NRXN3: variants seen among roughly 807,000 people sequenced by gnomAD.
The protein encoded by NRXN3 is neurexin 3.
NRXN3 carries 32 observed loss-of-function variants against 137.6 expected under a neutral mutation model. The ratio of observed to expected loss-of-function variants is 0.23; its 90% CI spans 0.18 to 0.31. The LOEUF is 0.31. NRXN3 is among the 10% of genes least tolerant of loss of function. NRXN3 has a pLI of 1.00. For missense variants in NRXN3, 1,574 were observed against 2,062.5 expected (o/e 0.76, Z 4.59); for synonymous variants, 798 against 784.5 (o/e 1.02, Z -0.29).
chr14:78,655,779 T>C (rs746700780), intron 6 of NRXN3, among the ~76,000 whole-genome samples: 6 of 152,172 alleles, frequency 3.9e-5, no homozygotes, highest in African/African-American at 9.6e-5. Flanking sequence ...TTAAAAAGTA[T>C]CATAGGCTGA....
chr14:79,542,602 C>T (rs1235984629), intron 16 of NRXN3, among the ~76,000 whole-genome samples: 2 of 152,160 alleles, frequency 1.3e-5, no homozygotes, highest in African/African-American at 4.8e-5. Flanking sequence ...CCACAAGCAT[C>T]CTTGTGAAGA....
chr14:79,616,359 G>T (rs1394426993), intron 16 of NRXN3, among the ~76,000 whole-genome samples: 1 of 152,090 alleles, frequency 6.6e-6, no homozygotes, highest in Non-Finnish European at 1.5e-5. Flanking sequence ...AGAAGTGATG[G>T]GTGGGGAGTA....
intron 16 of NRXN3, among the ~76,000 whole-genome samples, chr14:79,588,558 T>C (rs1223188143): frequency 6.6e-6 from 1 of 152,222 alleles, no homozygotes; most frequent in Non-Finnish European, 1.5e-5. Context: ...TCTTCAATTG[T>C]TCTTGAGGCT....
chr14:79,134,820 T>C (rs2058050225), intron 15 of NRXN3, among the ~76,000 whole-genome samples: 1 of 152,224 alleles, frequency 6.6e-6, no homozygotes, highest in South Asian at 2.1e-4. Context: ...AAAATCTTGC[T>C]TTCTGTCTTT....
intron 10 of NRXN3, among the ~76,000 whole-genome samples, chr14:78,841,332 C>A (rs1410588748): frequency 4.1e-4 from 63 of 151,924 alleles, no homozygotes; most frequent in Non-Finnish European, 2.9e-5. Flanking sequence ...CACTTGTTTT[C>A]TATTTCCTTT....
chr14:78,313,227 T>G (rs938717639), intron 4 of NRXN3, among the ~76,000 whole-genome samples: 14 of 152,334 alleles, frequency 9.2e-5, no homozygotes, highest in Non-Finnish European at 1.8e-4. Flanking sequence ...GCATGCCTTA[T>G]GCCCTTTCTG....
At chr14:78,971,906 C>A (rs1391877370) in intron 14 of NRXN3, among the ~76,000 whole-genome samples, 1 of 151,986 alleles carries the variant, frequency 6.6e-6, no homozygotes, top group Non-Finnish European at 1.5e-5. Context: ...AAAGTGGTAG[C>A]AAAATTATTT....
rs139878411 is a variant in NRXN3, at chr14:78,891,389, C to T, written c.2276-65853C>T. ...CTGAACTCTGGCATGATGACTATAG[C>T]GTCTGTGTTTTTATGCATTACTGAT... On this transcript the variant is annotated intron_variant, in intron 10 of 20. Transcript: ENST00000335750. 1.7e-4 allele frequency among the ~76,000 whole-genome samples: 26 copies of T among 152,034 alleles called. No individual in the cohort carries two copies. The East Asian group carries it at 4.7e-3, about 27-fold the overall frequency.
chr14:79,822,773 T>G (rs1263372918), intron 20 of NRXN3, among the ~76,000 whole-genome samples: 1 of 134,690 alleles, frequency 7.4e-6, no homozygotes, highest in Non-Finnish European at 1.7e-5. Flanking sequence ...TTAATTTCAG[T>G]TAAAAAAATA....
intron 10 of NRXN3, among the ~76,000 whole-genome samples, chr14:78,864,431 T>A (rs2099081170): frequency 6.6e-6 from 1 of 152,210 alleles, no homozygotes; most frequent in Admixed American, 6.5e-5. Context: ...ATATCCAAAG[T>A]TTAGGGCAGA....
intron 4 of NRXN3, among the ~76,000 whole-genome samples, chr14:78,432,442 G>A (rs1259034595): frequency 6.6e-6 from 1 of 152,158 alleles, no homozygotes; most frequent in Admixed American, 6.5e-5. Context: ...AAGCTGTTCA[G>A]CATTGGCTAG....
chr14:79,623,085 G>A (rs2098242272), intron 16 of NRXN3, among the ~76,000 whole-genome samples: 1 of 152,066 alleles, frequency 6.6e-6, no homozygotes, highest in Admixed American at 6.5e-5. Context: ...TCTCTATTCT[G>A]TGGCCAGGGA....
At chr14:79,360,288 G>C (rs2093637795) in intron 15 of NRXN3, among the ~76,000 whole-genome samples, 1 of 152,120 alleles carries the variant, frequency 6.6e-6, no homozygotes, top group African/African-American at 2.4e-5. Flanking sequence ...AGGATATGAG[G>C]ATAAGGCAGA....
chr14:79,465,755 A>C (rs2096413345), intron 15 of NRXN3, among the ~76,000 whole-genome samples: 1 of 152,200 alleles, frequency 6.6e-6, no homozygotes, highest in South Asian at 2.1e-4. Context: ...GCTTTAAAAG[A>C]GTTTTAAGGG....
chr14:79,231,277 C>T (rs770305138), intron 15 of NRXN3, among the ~76,000 whole-genome samples: 1 of 152,062 alleles, frequency 6.6e-6, no homozygotes, highest in Non-Finnish European at 1.5e-5. Context: ...TCTGAATAGA[C>T]CAGTTGCCAT....
At chr14:78,382,104 C>G (rs921425776) in intron 4 of NRXN3, among the ~76,000 whole-genome samples, 1 of 152,122 alleles carries the variant, frequency 6.6e-6, no homozygotes, top group East Asian at 1.9e-4. Context: ...TTGGAACTCT[C>G]TGTATTATTT....
At chr14:79,546,139 C>T (rs1455472804) in intron 16 of NRXN3, among the ~76,000 whole-genome samples, 1 of 152,070 alleles carries the variant, frequency 6.6e-6, no homozygotes, top group Non-Finnish European at 1.5e-5. Flanking sequence ...ACTGTAAGTC[C>T]AATTAAACCT....
intron 15 of NRXN3, among the ~76,000 whole-genome samples, chr14:79,276,052 C>A (rs1031970988): frequency 2.1e-4 from 32 of 152,194 alleles, no homozygotes; most frequent in African/African-American, 7.2e-4. Flanking sequence ...ACTCAAGGGA[C>A]CCACTAGAAA....
Position 79,498,258 on chromosome 14 carries a change from T to C in NRXN3, c.3444+30856T>C, listed in dbSNP as rs535707824. ...CTACTTACTCCTGGGAACTATTAAC[T>C]TCTGTGTTATTATTGCACATTGGGT... On this transcript the variant is annotated intron_variant, in intron 16 of 20. Coordinates refer to ENST00000335750, the MANE Select transcript of NRXN3 (RefSeq NM_001330195.2). Among the ~76,000 whole-genome samples the C allele has an allele frequency of 3.0e-4, 46 of 152,324 alleles. No homozygotes were observed. In the Middle Eastern group the frequency reaches 0.01, roughly 34 times the overall value.
Sources: allele counts gnomAD v4.1 joint callset (sites outside exome capture counted in the v4.1 genomes callset), GRCh38; gene constraint gnomAD v4.1.1; transcripts MANE v1.5; gene names NCBI Gene and HGNC (gene_info 2026-07-23, HGNC 2026-07-21).